The following RNF113A variants were observed in gnomAD, a reference collection of about 807,000 sequenced individuals.
The protein encoded by RNF113A is E3 ubiquitin-protein ligase RNF113A.
For synonymous variants in RNF113A, 80 were observed against 110.5 expected (o/e 0.72, Z 1.73); for missense variants, 180 against 285.4 (o/e 0.63, Z 2.66).
chrX:119,871,663 G>A lies in RNF113A; in HGVS notation c.-50C>T. On this transcript the variant is annotated 5_prime_UTR_variant, in exon 1 of 1. Transcript: ENST00000371442. The stretch of plus-strand genomic sequence containing the variant: ...GCCGTGGCTGCCTGGGTTGCACTTG[G>A]CCCCTGCACGTCACTCCACGTTGCG... 1 of 1,107,784 alleles carries A rather than the reference G, an allele frequency of 9.0e-7. No homozygotes were observed. The highest frequency in any genetic ancestry group is 1.8e-5 in the African/African-American group (1 of 55,010). 91.3% of individuals were successfully genotyped at this position (1,107,784 alleles called of 1,213,427 possible).
chrX:119,871,407 C>A lies in RNF113A; in HGVS notation c.207G>T (p.Lys69Asn). 1 of 1,211,898 alleles carries A rather than the reference C, an allele frequency of 8.3e-7. No homozygotes were observed. Among genetic ancestry groups the A allele is most frequent in the Non-Finnish European group, 1.1e-6 (1 of 895,540 alleles). The change falls in exon 1 of 1, where the codon AAG becomes AAT. Residue 69 changes from lysine (K) to asparagine (N), a missense_variant. Coordinates refer to ENST00000371442, the MANE Select transcript of RNF113A (RefSeq NM_006978.3). The stretch of plus-strand genomic sequence containing the variant: ...CCTTCTGTTTACCACTGTCACGGGT[C>A]TTCTGTATCATTGGATTGTGGGTCA... The part of the protein sequence containing the change: ...KRVTHNPMIQ[K>N]TRDSGKQKAA...
rs2056408491 is a variant in RNF113A, at chrX:119,871,170, C to T, written c.444G>A (p.Glu148=). 1 of 1,210,760 alleles carries T rather than the reference C, an allele frequency of 8.3e-7. No individual in the cohort carries two copies. ...TGATTCCCCGATAGATCTTGTCATCCTCCTTGCCCCTCAGCTCCTCCTGGA... is the reference window on the plus strand; with the variant it reads ...TGATTCCCCGATAGATCTTGTCATCTTCCTTGCCCCTCAGCTCCTCCTGGA... ...QKIQEELRGK[E]DDKIYRGINN... Residue 148 remains glutamate, a synonymous_variant, in exon 1 of 1, where the codon GAG becomes GAA. Coordinates refer to ENST00000371442, the MANE Select transcript of RNF113A (RefSeq NM_006978.3).
In RNF113A at chrX:119,870,837, T is replaced by C; in HGVS notation, c.777A>G (p.Pro259=). Residue 259 remains proline, a synonymous_variant, in exon 1 of 1, where the codon CCA becomes CCG. Transcript: ENST00000371442. ...TCTGGCGACAGATGAAACACTTGAA[T>C]GGTATTTCCTCATCATCGCTTCCCA... ...YEVGSDDEEI[P]FKCFICRQSF... is the part of the protein sequence containing the mutation. 1 of 1,211,494 alleles carries C rather than the reference T, an allele frequency of 8.3e-7. No individual in the cohort carries two copies. The highest frequency in any genetic ancestry group is 1.1e-6 in the Non-Finnish European group (1 of 895,460).
rs777781217 is a variant in RNF113A, at chrX:119,870,591, G to A, written c.1023C>T (p.Pro341=). The change falls in exon 1 of 1, where the codon CCC becomes CCT. Residue 341 remains proline, a synonymous_variant. Coordinates refer to ENST00000371442, the MANE Select transcript of RNF113A (RefSeq NM_006978.3). ...LPEDPDEDAI[P]IT ...AAGAATTATGGGAAACCTAAGTAAT[G>A]GGAATTGCATCCTCATCGGGGTCTT... is the stretch of plus-strand genomic sequence containing the variant. 45 of 1,188,116 alleles carry A rather than the reference G, an allele frequency of 3.8e-5. No individual in the cohort carries two copies. The highest frequency in any genetic ancestry group is 9.7e-5 in the Admixed American group (4 of 41,398).
chrX:119,871,099 T>C lies in RNF113A; in HGVS notation c.515A>G (p.Asn172Ser), dbSNP rs200411769. Residue 172 changes from asparagine (N) to serine (S), a missense_variant, in exon 1 of 1, where the codon AAT becomes AGT. Transcript: ENST00000371442. Reference sequence around the variant, plus strand: ...CTTCCTCACCATCCCGGAAGAGGCATTGCCCATAGACGTATCCTTGGGCTT... The same window carrying C: ...CTTCCTCACCATCCCGGAAGAGGCACTGCCCATAGACGTATCCTTGGGCTT... ...YMKPKDTSMGNASSGMVRKGP... is the reference protein window; with the variant it reads ...YMKPKDTSMGSASSGMVRKGP... 2 of 1,209,745 alleles carry C rather than the reference T, an allele frequency of 1.7e-6. No individual in the cohort carries two copies. Among genetic ancestry groups the C allele is most frequent in the East Asian group, 5.9e-5 (2 of 33,748 alleles).
rs2147812364 is a variant in RNF113A, at chrX:119,871,039, G to A, written c.575C>T (p.Thr192Ile). The A allele has an allele frequency of 8.3e-7, 1 of 1,211,779 alleles. No individual in the cohort carries two copies. Among genetic ancestry groups the A allele is most frequent in the Non-Finnish European group, 1.1e-6 (1 of 895,551 alleles). ...GTCGGGCTGGTAATCCCAGCGCACGGTGGCACGTAGATGCTCGGGCGCTCG... is the reference window on the plus strand; with the variant it reads ...GTCGGGCTGGTAATCCCAGCGCACGATGGCACGTAGATGCTCGGGCGCTCG... ...PIRAPEHLRATVRWDYQPDIC... is the reference protein window; with the variant it reads ...PIRAPEHLRAIVRWDYQPDIC... Residue 192 changes from threonine (T) to isoleucine (I), a missense_variant, in exon 1 of 1, where the codon ACC becomes ATC. Coordinates refer to ENST00000371442, the MANE Select transcript of RNF113A (RefSeq NM_006978.3).
In RNF113A at chrX:119,871,661, T is replaced by G; in HGVS notation, c.-48A>C. 1 of 1,118,663 alleles carries G rather than the reference T, an allele frequency of 8.9e-7. No individual in the cohort carries two copies. The allele number at this position is 1,118,663 out of a possible 1,213,427, so 92.2% of individuals were successfully genotyped here. ...CAGCCGTGGCTGCCTGGGTTGCACT[T>G]GGCCCCTGCACGTCACTCCACGTTG... On this transcript the variant is annotated 5_prime_UTR_variant, in exon 1 of 1. Transcript: ENST00000371442.
At position 119,871,056 on chromosome X, in the gene RNF113A, G is replaced by C. The variant is rs745954228; in HGVS notation, c.558C>G (p.Pro186=). The C allele has an allele frequency of 2.5e-6, 3 of 1,211,709 alleles. No homozygotes were observed. The highest frequency in any genetic ancestry group is 4.3e-5 in the Admixed American group (2 of 46,008). Residue 186 remains proline, a synonymous_variant, in exon 1 of 1, where the codon CCC becomes CCG. Coordinates refer to ENST00000371442, the MANE Select transcript of RNF113A (RefSeq NM_006978.3). The part of the protein sequence containing the change: ...GMVRKGPIRA[P]EHLRATVRWD... ...AGCGCACGGTGGCACGTAGATGCTC[G>C]GGCGCTCGGATGGGGCCCTTCCTCA...
rs150014986 is a variant in RNF113A at position 119,871,089 on chromosome X, G to A, written c.525C>T (p.Ser175=). Residue 175 remains serine, a synonymous_variant, in exon 1 of 1, where the codon TCC becomes TCT. Coordinates refer to ENST00000371442, the MANE Select transcript of RNF113A (RefSeq NM_006978.3). ...PKDTSMGNAS[S]GMVRKGPIRA... is the part of the protein sequence containing the mutation. The stretch of plus-strand genomic sequence containing the variant: ...GGATGGGGCCCTTCCTCACCATCCC[G>A]GAAGAGGCATTGCCCATAGACGTAT... The A allele has an allele frequency of 8.3e-6, 10 of 1,209,628 alleles. No individual in the cohort carries two copies. The African/African-American group carries it at 1.8e-4, about 21-fold the overall frequency.
rs1165247499 is a variant in RNF113A at position 119,870,895 on chromosome X, C to A, written c.719G>T (p.Arg240Leu). 1 of 1,211,417 alleles carries A rather than the reference C, an allele frequency of 8.3e-7. No individual in the cohort carries two copies. Among genetic ancestry groups the A allele is most frequent in the Admixed American group, 2.2e-5 (1 of 45,936 alleles). ...WQIERELDEG[R>L]YGVYEDENYE... ...GTTTTCATCCTCATAGACACCATAG[C>A]GACCCTCATCAAGCTCACGTTCGAT... Residue 240 changes from arginine (R) to leucine (L), a missense_variant, in exon 1 of 1, where the codon CGC becomes CTC. Transcript: ENST00000371442.
At position 119,871,308 on chromosome X, in the gene RNF113A, G is replaced by A; in HGVS notation, c.306C>T (p.Ser102=). Residue 102 remains serine (S), a synonymous_variant, in exon 1 of 1, where the codon TCC becomes TCT. Coordinates refer to ENST00000371442, the MANE Select transcript of RNF113A (RefSeq NM_006978.3). The stretch of plus-strand genomic sequence containing the variant: ...GTCCCACGGGTTTCGCCGAACGGGT[G>A]GATTTATAAACCACGCCGAGACTCT... The part of the protein sequence containing the change: ...EPESLGVVYK[S]TRSAKPVGPE... 3 of 1,211,139 alleles carry A rather than the reference G, an allele frequency of 2.5e-6. No homozygotes were observed. The highest frequency in any genetic ancestry group is 3.4e-6 in the Non-Finnish European group (3 of 895,482).
chrX:119,870,619 G>A lies in RNF113A; in HGVS notation c.995C>T (p.Pro332Leu), dbSNP rs2147812166. 3 of 1,209,283 alleles carry A rather than the reference G, an allele frequency of 2.5e-6. No individual in the cohort carries two copies. Among genetic ancestry groups the A allele is most frequent in the Non-Finnish European group, 3.4e-6 (3 of 893,985 alleles). The stretch of plus-strand genomic sequence containing the variant: ...AATTGCATCCTCATCGGGGTCTTCT[G>A]GCAAGTCGGAAGCACCACCCTCTCC... ...ATGEGGASDL[P>L]EDPDEDAIPI... is the part of the protein sequence containing the mutation. Residue 332 changes from proline to leucine, a missense_variant, in exon 1 of 1, where the codon CCA becomes CTA. Pro to Leu is a moderately conservative substitution (Grantham distance 98, BLOSUM62 -3). Transcript: ENST00000371442.
At position 119,871,704 on chromosome X, in the gene RNF113A, C is replaced by G; in HGVS notation, c.-91G>C. 1 of 1,010,165 alleles carries G rather than the reference C, an allele frequency of 9.9e-7. No individual in the cohort carries two copies. Among genetic ancestry groups the G allele is most frequent in the Non-Finnish European group, 1.4e-6 (1 of 737,824 alleles). The allele number at this position is 1,010,165 out of a possible 1,213,427, so 83.2% of individuals were successfully genotyped here. ...CCACGTTGCGCGCTCCGCCGGGAGT[C>G]GAAGCAAAAGACACTGACGGAAGAG... On this transcript the variant is annotated 5_prime_UTR_variant, in exon 1 of 1. Transcript: ENST00000371442.
chrX:119,871,690 G>A lies in RNF113A; in HGVS notation c.-77C>T. On this transcript the variant is annotated 5_prime_UTR_variant, in exon 1 of 1. Transcript: ENST00000371442. ...CCCTGCACGTCACTCCACGTTGCGC[G>A]CTCCGCCGGGAGTCGAAGCAAAAGA... is the stretch of plus-strand genomic sequence containing the variant. 9.5e-7 allele frequency: 1 copy of A among 1,053,004 alleles called. No individual in the cohort carries two copies. Among genetic ancestry groups the A allele is most frequent in the Non-Finnish European group, 1.3e-6 (1 of 776,090 alleles). 86.8% of individuals were successfully genotyped at this position (1,053,004 alleles called of 1,213,427 possible).
chrX:119,870,663 T>C lies in RNF113A; in HGVS notation c.951A>G (p.Leu317=), dbSNP rs2056405996. 7.4e-6 allele frequency: 9 copies of C among 1,210,269 alleles called. No homozygotes were observed. The highest frequency in any genetic ancestry group is 1.8e-5 in the South Asian group (1 of 56,873). Reference sequence around the variant, plus strand: ...CCTCTCCTGTAGCTCGATGCTTCTCTAGTTTAGCAATCAATTCTTTCGCTG... The same window carrying C: ...CCTCTCCTGTAGCTCGATGCTTCTCCAGTTTAGCAATCAATTCTTTCGCTG... ...FNPAKELIAK[L]EKHRATGEGG... The change falls in exon 1 of 1, where the codon CTA becomes CTG. Residue 317 remains leucine (L), a synonymous_variant. Transcript: ENST00000371442.
rs141840169 is a variant in RNF113A, at chrX:119,870,889, C to T, written c.725G>A (p.Gly242Asp). The T allele has an allele frequency of 2.7e-4, 332 of 1,209,469 alleles. No homozygotes were observed. The African/African-American group carries it at 5.2e-3, about 19-fold the overall frequency. Residue 242 changes from glycine to aspartate, a missense_variant, in exon 1 of 1, where the codon GGT becomes GAT. By Grantham distance (94) the Gly-to-Asp change is moderately conservative. Coordinates refer to ENST00000371442, the MANE Select transcript of RNF113A (RefSeq NM_006978.3). ...TTCATAGTTTTCATCCTCATAGACA[C>T]CATAGCGACCCTCATCAAGCTCACG... ...IERELDEGRYGVYEDENYEVG... is the reference protein window; with the variant it reads ...IERELDEGRYDVYEDENYEVG...
In RNF113A at chrX:119,871,306, G is replaced by A; in HGVS notation, c.308C>T (p.Thr103Ile). Residue 103 changes from threonine (T) to isoleucine (I), a missense_variant, in exon 1 of 1, where the codon ACC becomes ATC. Thr to Ile is a moderately conservative substitution (Grantham distance 89, BLOSUM62 -1). Transcript: ENST00000371442. ...PESLGVVYKSTRSAKPVGPED... is the reference protein window; with the variant it reads ...PESLGVVYKSIRSAKPVGPED... ...TGGTCCCACGGGTTTCGCCGAACGG[G>A]TGGATTTATAAACCACGCCGAGACT... 1 of 1,211,179 alleles carries A rather than the reference G, an allele frequency of 8.3e-7. No homozygotes were observed. The highest frequency in any genetic ancestry group is 1.1e-6 in the Non-Finnish European group (1 of 895,492).
Position 119,871,538 on chromosome X carries a change from C to T in RNF113A, c.76G>A (p.Gly26Arg), listed in dbSNP as rs369106726. 5.0e-6 allele frequency: 6 copies of T among 1,212,069 alleles called. No homozygotes were observed. In the African/African-American group the frequency reaches 6.9e-5, roughly 14 times the overall value. The change falls in exon 1 of 1, where the codon GGG (glycine) becomes AGG (arginine). Residue 26 changes from glycine to arginine, a missense_variant. By Grantham distance (125) the Gly-to-Arg change is moderately radical. Coordinates refer to ENST00000371442, the MANE Select transcript of RNF113A (RefSeq NM_006978.3). ...GGGCGCTTTCTGCGTCCAGCAGCCC[C>T]TTTCCGCCCAGGCTTTTTGAAAAGG... ...TFLFKKPGRKGAAGRRKRPAC... is the reference protein window; with the variant it reads ...TFLFKKPGRKRAAGRRKRPAC...
rs1230686957 is a variant in RNF113A, at chrX:119,871,729, G to A, written c.-116C>T. ...CGAAGCAAAAGACACTGACGGAAGAGGACTGCGAGAGCCCGAGCGCCCGTC... is the reference window on the plus strand; with the variant it reads ...CGAAGCAAAAGACACTGACGGAAGAAGACTGCGAGAGCCCGAGCGCCCGTC... On this transcript the variant is annotated 5_prime_UTR_variant, in exon 1 of 1. Transcript: ENST00000371442. 1.6e-5 allele frequency: 15 copies of A among 926,755 alleles called. No homozygotes were observed. The highest frequency in any genetic ancestry group is 6.7e-5 in the South Asian group (3 of 44,601). 76.4% of individuals were successfully genotyped at this position (926,755 alleles called of 1,213,427 possible).
Sources: gnomAD v4.1 joint callset for allele counts on GRCh38, gnomAD v4.1.1 for gene constraint, MANE v1.5 for transcripts, NCBI Gene and HGNC (gene_info 2026-07-23, HGNC 2026-07-21) for gene names.